The following NHSL1 variants were observed in gnomAD, a reference collection of about 807,000 sequenced individuals.
NHSL1 encodes NHS-like protein 1.
NHSL1 carries 48 observed loss-of-function variants against 95.0 expected under a neutral mutation model. That is an observed-to-expected ratio of 0.51 (90% CI 0.40 to 0.64). The LOEUF is 0.64. NHSL1 is among the 30% of genes least tolerant of loss of function. NHSL1 has a pLI of 0.00. For missense variants in NHSL1, 1,971 were observed against 2,077.7 expected, an observed-to-expected ratio of 0.95 and a Z score of 1.00; for synonymous variants, 783 against 833.9, an observed-to-expected ratio of 0.94 and a Z score of 1.05.
At chr6:138,437,577 G>A (rs1241015672) in intron 5 of NHSL1, among the ~76,000 whole-genome samples, 1 of 151,702 alleles carries the variant, frequency 6.6e-6, no homozygotes, top group African/African-American at 2.4e-5. Context: ...TGACTTTCAA[G>A]TCTTAATTTT....
At chr6:138,680,549 C>G (rs1056035986) in intron 1 of NHSL1, among the ~76,000 whole-genome samples, 1 of 152,138 alleles carries the variant, frequency 6.6e-6, no homozygotes, top group African/African-American at 2.4e-5. Flanking sequence ...GCAGAAAATG[C>G]CTACTTTTAA....
intron 3 of NHSL1, among the ~76,000 whole-genome samples, chr6:138,471,373 A>C (rs1256067316): frequency 6.6e-6 from 1 of 152,116 alleles, no homozygotes; most frequent in African/African-American, 2.4e-5. Flanking sequence ...ATCTGAATAA[A>C]CAGAAGTCCT....
chr6:138,434,179 T>C (rs1775913082), intron 5 of NHSL1, among the ~76,000 whole-genome samples: 1 of 152,226 alleles, frequency 6.6e-6, no homozygotes. Flanking sequence ...TAATTCTTTA[T>C]GTCAGAAGGA....
At chr6:138,426,529 A>G (rs1038026857) in intron 7 of NHSL1, among the ~76,000 whole-genome samples, 1 of 152,236 alleles carries the variant, frequency 6.6e-6, no homozygotes, top group Non-Finnish European at 1.5e-5. Flanking sequence ...GTACTCATGA[A>G]TGCAGTGATA....
intron 1 of NHSL1, among the ~76,000 whole-genome samples, chr6:138,690,124 T>C (rs1297010045): frequency 6.6e-6 from 1 of 152,344 alleles, no homozygotes; most frequent in South Asian, 2.1e-4. Flanking sequence ...TGGATGGCCT[T>C]TACGGTCAAT....
At chr6:138,691,373 T>C (rs1435236959) in intron 1 of NHSL1, among the ~76,000 whole-genome samples, 2 of 152,350 alleles carry the variant, frequency 1.3e-5, no homozygotes, top group Non-Finnish European at 2.9e-5. Flanking sequence ...AGATGTATTA[T>C]AGCAAGCAAT....
At chr6:138,492,317 T>G (rs561174093) in intron 2 of NHSL1, among the ~76,000 whole-genome samples, 1 of 152,306 alleles carries the variant, frequency 6.6e-6, no homozygotes, top group South Asian at 2.1e-4. Context: ...ATGTACCTCA[T>G]GCACACCTCC....
chr6:138,537,434 A>G (rs1782401830), intron 1 of NHSL1, among the ~76,000 whole-genome samples: 3 of 152,222 alleles, frequency 2.0e-5, no homozygotes, highest in Non-Finnish European at 4.4e-5. Flanking sequence ...GAAAACTGAG[A>G]AATACATCTG....
At chr6:138,525,170 G>A (rs9484171) in intron 1 of NHSL1, among the ~76,000 whole-genome samples, 18,498 of 152,016 alleles carry the variant, frequency 0.12, 2,316 homozygotes, top group African/African-American at 0.32. Context: ...TGAGCTCTAA[G>A]TTCGATTCTG....
At chr6:138,636,803 A>G (rs1345636535) in intron 1 of NHSL1, among the ~76,000 whole-genome samples, 1 of 152,192 alleles carries the variant, frequency 6.6e-6, no homozygotes, top group Non-Finnish European at 1.5e-5. Flanking sequence ...CATGGATTGG[A>G]AAAAATCAAC....
At chr6:138,477,315 T>C (rs1254904298) in intron 2 of NHSL1, among the ~76,000 whole-genome samples, 1 of 152,222 alleles carries the variant, frequency 6.6e-6, no homozygotes, top group Non-Finnish European at 1.5e-5. Flanking sequence ...GTTTAAATTA[T>C]AGGGTAGGGC....
At chr6:138,601,781 C>T (rs1228214008) in intron 1 of NHSL1, among the ~76,000 whole-genome samples, 1 of 151,908 alleles carries the variant, frequency 6.6e-6, no homozygotes, top group Non-Finnish European at 1.5e-5. Flanking sequence ...CACTGGATTC[C>T]AGCCTGGCGA....
At chr6:138,519,060 A>G (rs983215899) in intron 1 of NHSL1, among the ~76,000 whole-genome samples, 7 of 151,972 alleles carry the variant, frequency 4.6e-5, no homozygotes, top group African/African-American at 7.2e-5. Context: ...ATACATACAT[A>G]CATACATAAT....
chr6:138,599,858 C>T (rs919118823), intron 1 of NHSL1, among the ~76,000 whole-genome samples: 4 of 151,962 alleles, frequency 2.6e-5, no homozygotes, highest in East Asian at 1.9e-4. Flanking sequence ...TGAAGCAGGC[C>T]GGGCATGGTG....
At chr6:138,672,412 G>C (rs59588074) in intron 1 of NHSL1, among the ~76,000 whole-genome samples, 4,797 of 152,066 alleles carry the variant, frequency 0.032, 201 homozygotes, top group African/African-American at 0.093. Flanking sequence ...TGACCGCCCA[G>C]CACTCAACAA....
At chr6:138,577,114 A>C (rs1234951339), upstream of NHSL1, among the ~76,000 whole-genome samples, 3 of 152,216 alleles carry the variant, frequency 2.0e-5, no homozygotes, top group Non-Finnish European at 2.9e-5. Context: ...GGTTCTTGCC[A>C]TAAGACACAA....
rs1775161474 is a variant in NHSL1 at position 138,424,928 on chromosome 6, CT to C, written c.4086-113del. ...CAGGTCACCATCTACTTAAGATTCA[CT>C]TTCAAAAAATTTATTTTTGACTGGG... On this transcript the variant is annotated intron_variant, in intron 7 of 7. Transcript: ENST00000343505. The surrounding 1 kb of genome is among the most constrained non-coding windows in gnomAD (Gnocchi z 5.9). The C allele has an allele frequency of 2.1e-6, 2 of 935,858 alleles. No individual in the cohort carries two copies. Among genetic ancestry groups the C allele is most frequent in the Non-Finnish European group, 3.1e-6 (2 of 641,174 alleles). The allele number at this position is 935,858 out of a possible 1,614,324, so 58.0% of individuals were successfully genotyped here.
chr6:138,642,318 C>A (rs1353850177), intron 1 of NHSL1, among the ~76,000 whole-genome samples: 1 of 152,050 alleles, frequency 6.6e-6, no homozygotes, highest in Non-Finnish European at 1.5e-5. Flanking sequence ...ATTTTATACA[C>A]ACATGCAAAA....
chr6:138,596,719 T>C (rs1055428096), intron 1 of NHSL1, among the ~76,000 whole-genome samples: 1 of 151,966 alleles, frequency 6.6e-6, no homozygotes, highest in African/African-American at 2.4e-5. Flanking sequence ...CCAAGCTTGG[T>C]AAGTTTTTTA....
Sources: gnomAD v4.1 joint callset for allele counts (sites outside exome capture counted in the v4.1 genomes callset) on GRCh38, gnomAD v4.1.1 for gene constraint, Gnocchi (gnomAD v3.1) non-coding constraint, MANE v1.5 for transcripts, NCBI Gene and HGNC (gene_info 2026-07-23, HGNC 2026-07-21) for gene names.